Variants in APLP2 observed in about 807,000 individuals in gnomAD.
APLP2 encodes the protein CDEI box-binding protein.
APLP2 carries 53 observed loss-of-function variants against 89.9 expected under a neutral mutation model. That is an observed-to-expected ratio of 0.59 (90% CI 0.47 to 0.74). The LOEUF (loss-of-function observed/expected upper bound fraction) is 0.74. APLP2 is among the 30% of genes least tolerant of loss of function. The pLI, the probability that APLP2 is intolerant of heterozygous loss-of-function variation, is 0.00. For missense variants in APLP2, 973 were observed against 975.9 expected (o/e 1.00, Z 0.04); for synonymous variants, 372 against 348.6 (o/e 1.07, Z -0.75).
chr11:130,141,630 G>T lies in APLP2; in HGVS notation c.1998+58G>T, dbSNP rs957497024. 6.7e-6 allele frequency: 10 copies of T among 1,482,228 alleles called. No individual in the cohort carries two copies. The African/African-American group carries it at 9.7e-5, about 14-fold the overall frequency. The allele number at this position is 1,482,228 out of a possible 1,614,324, so 91.8% of individuals were successfully genotyped here. A position where few individuals can be genotyped will look rare whatever the true frequency, so the allele number is the denominator to read the frequency against. ...TGCCAATCTTAGGTATTTCTCCTCT[G>T]GACCTTCTCAGTTCAAGTAGAAAAC... On this transcript the variant is annotated intron_variant, in intron 15 of 16. Coordinates refer to ENST00000338167, the MANE Select transcript of APLP2 (RefSeq NM_001142276.2). The surrounding 1 kb of genome is among the most constrained non-coding windows in gnomAD (Gnocchi z 4.2).
rs1156812098 is a variant in APLP2, at chr11:130,122,497, T to C, written c.906T>C (p.Ile302=). 1 of 1,613,944 alleles carries C rather than the reference T, an allele frequency of 6.2e-7. No individual in the cohort carries two copies. Among genetic ancestry groups the C allele is most frequent in the Non-Finnish European group, 8.5e-7 (1 of 1,179,934 alleles). The part of the protein sequence containing the change: ...GSDGTMSDKE[I]THDVKAVCSQ... ...ACGGCACCATGTCAGACAAGGAAAT[T>C]ACTCATGATGTCAAAGGTAACCCCA... Residue 302 remains isoleucine, a synonymous_variant, in exon 6 of 17, where the codon ATT becomes ATC. Transcript: ENST00000338167.
chr11:130,121,528 G>T (rs1258977381), intron 4 of APLP2, 86 bp from the exon 5 acceptor site: 9 of 1,416,876 alleles, frequency 6.4e-6, no homozygotes, highest in Non-Finnish European at 8.3e-6. Flanking sequence ...TTTGATAAGG[G>T]TTTATTTTGG....
rs541124519 is a variant in APLP2, at chr11:130,095,883, G to A, written c.106-13546G>A. ...AGTTGTTTACTTGGGTATAAATGAT[G>A]AGCTACTGCATGCTAGGGGCTGTTC... On this transcript the variant is annotated intron_variant, in intron 1 of 16. Transcript: ENST00000338167. 1.5e-4 allele frequency among the ~76,000 whole-genome samples: 23 copies of A among 151,180 alleles called. 1 individual carries two copies. The South Asian group carries it at 4.8e-3, about 31-fold the overall frequency.
At chr11:130,096,337 A>C (rs535753996) in intron 1 of APLP2, among the ~76,000 whole-genome samples, 2 of 152,292 alleles carry the variant, frequency 1.3e-5, no homozygotes, top group South Asian at 4.1e-4. Flanking sequence ...ATAGAAGAGC[A>C]GTGTGTTCTG....
rs2135964754 is a variant in APLP2 at position 130,123,551 on chromosome 11, A to G, written c.923-61A>G. 6 of 1,542,208 alleles carry G rather than the reference A, an allele frequency of 3.9e-6. No individual in the cohort carries two copies. The highest frequency in any genetic ancestry group is 4.4e-6 in the Non-Finnish European group (5 of 1,137,180). On this transcript the variant is annotated intron_variant, in intron 6 of 16. Transcript: ENST00000338167. This position sits in a 1 kb window ranked among gnomAD's most constrained non-coding sequence, Gnocchi z 4.0. Reference sequence around the variant, plus strand: ...ATCCCCCAGCTCGCCAGCCTGTAGCATTTTGAAGCATTTGACGTCACTGCC... The same window carrying G: ...ATCCCCCAGCTCGCCAGCCTGTAGCGTTTTGAAGCATTTGACGTCACTGCC...
chr11:130,144,060 C>T lies in APLP2; in HGVS notation c.*612C>T, dbSNP rs1211739662. 2.0e-5 allele frequency: 3 copies of T among 152,800 alleles called. No individual in the cohort carries two copies. Among genetic ancestry groups the T allele is most frequent in the Non-Finnish European group, 4.4e-5 (3 of 68,530 alleles). The allele number at this position is 152,800 out of a possible 1,614,324, so 9.5% of individuals were successfully genotyped here. ...TCCACGGCTGGATACCTGTGTGTCT[C>T]CATAAAAGTCCTGTCACCAAGGACG... On this transcript the variant is annotated 3_prime_UTR_variant, in exon 17 of 17. Coordinates refer to ENST00000338167, the MANE Select transcript of APLP2 (RefSeq NM_001142276.2).
In APLP2 at chr11:130,117,446, TC is replaced by T. The variant is rs200033077; in HGVS notation, c.404-3259del. ...TTCTGTCATGTTTGCTTCATCTCCATCTTTTTTTTTTTCTGAGACGGAGTCT... is the reference window on the plus strand; with the variant it reads ...TTCTGTCATGTTTGCTTCATCTCCATTTTTTTTTTTTCTGAGACGGAGTCT... On this transcript the variant is annotated intron_variant, in intron 3 of 16. Coordinates refer to ENST00000338167, the MANE Select transcript of APLP2 (RefSeq NM_001142276.2). 9.0e-3 allele frequency among the ~76,000 whole-genome samples: 1,370 copies of T among 152,138 alleles called. 13 individuals carry two copies. The highest frequency in any genetic ancestry group is 0.014 in the Non-Finnish European group (969 of 67,990).
intron 1 of APLP2, among the ~76,000 whole-genome samples, chr11:130,085,661 C>T (rs76492499): frequency 0.037 from 5,611 of 152,266 alleles, 191 homozygotes; most frequent in East Asian, 0.19. Context: ...ACATCCACAA[C>T]ATTGTGCAAC....
intron 3 of APLP2, among the ~76,000 whole-genome samples, chr11:130,116,756 G>GC (rs1949230866): frequency 6.6e-6 from 1 of 152,042 alleles, no homozygotes. Context: ...ACAGGCATGA[G>GC]CCCCTGCGTC....
At chr11:130,118,348 T>A (rs1474690313) in intron 3 of APLP2, among the ~76,000 whole-genome samples, 11 of 152,222 alleles carry the variant, frequency 7.2e-5, no homozygotes, top group Non-Finnish European at 1.3e-4. Flanking sequence ...CAAACCCACA[T>A]GTGGAACAAT....
intron 7 of APLP2, among the ~76,000 whole-genome samples, chr11:130,125,466 A>G (rs942990962): frequency 1.1e-4 from 17 of 152,148 alleles, no homozygotes; most frequent in African/African-American, 4.1e-4. Context: ...TATCGATTCT[A>G]ATTTAGTTAA....
At chr11:130,080,697 CTTT>C (rs375026553) in intron 1 of APLP2, among the ~76,000 whole-genome samples, 6 of 130,222 alleles carry the variant, frequency 4.6e-5, no homozygotes, top group Admixed American at 7.7e-5. Context: ...ATTTATCTTT[CTTT>C]TTTTTTTTTT....
rs35434243 is a variant in APLP2, at chr11:130,070,039, TG to T, written c.66del (p.Leu23SerfsTer37). On this transcript the variant is annotated frameshift_variant, in exon 1 of 17. Coordinates refer to ENST00000338167, the MANE Select transcript of APLP2 (RefSeq NM_001142276.2). LOFTEE classifies it high-confidence loss of function. ...GGCAGGCTCCTGCTTCTGCTGCTGGTGGGGCTCACGGCGCCTGCCTTGGCGC... is the reference window on the plus strand; with the variant it reads ...GGCAGGCTCCTGCTTCTGCTGCTGGTGGGCTCACGGCGCCTGCCTTGGCGC... ...ATGRLLLLLLVGLTAPALALA... is the reference protein window; with the variant it reads ...ATGRLLLLLLXGLTAPALALA... 6.6e-7 allele frequency: 1 copy of T among 1,512,986 alleles called. No individual in the cohort carries two copies. Among genetic ancestry groups the T allele is most frequent in the Admixed American group, 2.0e-5 (1 of 49,268 alleles). 93.7% of individuals were successfully genotyped at this position (1,512,986 alleles called of 1,614,324 possible). A position where few individuals can be genotyped will look rare whatever the true frequency, so the allele number is the denominator to read the frequency against.
In APLP2 at chr11:130,143,434, C is replaced by G. The variant is rs780805168; in HGVS notation, c.2242C>G (p.Gln748Glu). Residue 748 changes from glutamine (Q) to glutamate (E), a missense_variant, in exon 17 of 17, where the codon CAG becomes GAG. Physicochemically the swap from Gln to Glu is conservative, Grantham distance 29. Coordinates refer to ENST00000338167, the MANE Select transcript of APLP2 (RefSeq NM_001142276.2). ...GAACCCCACCTACAAATACCTGGAGCAGATGCAGATTTAGGTGGCAGGGAG... is the reference window on the plus strand; with the variant it reads ...GAACCCCACCTACAAATACCTGGAGGAGATGCAGATTTAGGTGGCAGGGAG... Reference protein sequence around the residue: ...YENPTYKYLEQMQI With the variant: ...YENPTYKYLEEMQI 1 of 1,613,738 alleles carries G rather than the reference C, an allele frequency of 6.2e-7. No individual in the cohort carries two copies. Among genetic ancestry groups the G allele is most frequent in the Non-Finnish European group, 8.5e-7 (1 of 1,179,842 alleles).
chr11:130,077,261 A>G (rs1942297399), intron 1 of APLP2, among the ~76,000 whole-genome samples: 1 of 152,256 alleles, frequency 6.6e-6, no homozygotes, highest in Non-Finnish European at 1.5e-5. Flanking sequence ...GGATAATGCT[A>G]TCCAGAAGAG....
In APLP2 at chr11:130,129,128, A is replaced by C; in HGVS notation, c.1377A>C (p.Arg459=). 1.2e-6 allele frequency: 2 copies of C among 1,614,188 alleles called. No individual in the cohort carries two copies. Among genetic ancestry groups the C allele is most frequent in the African/African-American group, 1.3e-5 (1 of 75,048 alleles). The change falls in exon 10 of 17, where the codon CGA becomes CGC. Residue 459 remains arginine, a synonymous_variant. Coordinates refer to ENST00000338167, the MANE Select transcript of APLP2 (RefSeq NM_001142276.2). ...AGCTGGTGGAGACCCACCTGGCCCGAGTGGAAGCTATGCTGAATGACCGCC... is the reference window on the plus strand; with the variant it reads ...AGCTGGTGGAGACCCACCTGGCCCGCGTGGAAGCTATGCTGAATGACCGCC... ...KQQLVETHLA[R]VEAMLNDRRR...
In APLP2 at chr11:130,087,154, A is replaced by G. The variant is rs576760133; in HGVS notation, c.105+17072A>G. The stretch of plus-strand genomic sequence containing the variant: ...AATACAATTACTTTTAGTTTACACT[A>G]TGGCTTTTGAGTGTAAGGTGTTTGG... On this transcript the variant is annotated intron_variant, in intron 1 of 16. Coordinates refer to ENST00000338167, the MANE Select transcript of APLP2 (RefSeq NM_001142276.2). 4.6e-5 allele frequency among the ~76,000 whole-genome samples: 7 copies of G among 152,302 alleles called. No individual in the cohort carries two copies. In the East Asian group the frequency reaches 5.8e-4, roughly 13 times the overall value.
chr11:130,111,172 G>T (rs1482471384), intron 3 of APLP2, among the ~76,000 whole-genome samples: 1 of 152,178 alleles, frequency 6.6e-6, no homozygotes, highest in African/African-American at 2.4e-5. Context: ...GGGGCTGGTA[G>T]GGGTGTTCGT....
intron 1 of APLP2, among the ~76,000 whole-genome samples, chr11:130,083,984 C>T (rs1433780843): frequency 6.6e-6 from 1 of 152,194 alleles, no homozygotes; most frequent in South Asian, 2.1e-4. Context: ...CGGTGCCTCA[C>T]GCCTGTAATC....
Sources: gnomAD v4.1 joint callset for allele counts (sites outside exome capture counted in the v4.1 genomes callset) on GRCh38, gnomAD v4.1.1 for gene constraint, Gnocchi (gnomAD v3.1) non-coding constraint, MANE v1.5 for transcripts, NCBI Gene and HGNC (gene_info 2026-07-23, HGNC 2026-07-21) for gene names.